Variants in ZBTB20 observed in about 807,000 individuals in gnomAD.
ZBTB20 encodes the protein zinc finger and BTB domain containing 20, also known as zinc finger and BTB domain-containing protein 20.
A neutral mutation model predicts 56.9 loss-of-function variants in ZBTB20; 9 were observed. The observed-to-expected ratio is 0.16, with a 90% CI of 0.10 to 0.28. ZBTB20 has a LOEUF of 0.28. Ranked by LOEUF, ZBTB20 falls within the 10% of genes least tolerant of loss-of-function variation. ZBTB20 has a pLI of 1.00. For synonymous variants in ZBTB20, 417 were observed against 420.7 expected, an observed-to-expected ratio of 0.99 and a Z score of 0.11; for missense variants, 655 against 1,003.0, an observed-to-expected ratio of 0.65 and a Z score of 4.69.
intron 7 of ZBTB20, among the ~76,000 whole-genome samples, chr3:114,492,690 T>G (rs535981923): frequency 6.6e-6 from 1 of 152,360 alleles, no homozygotes; most frequent in Non-Finnish European, 1.5e-5. Flanking sequence ...TTGATATATA[T>G]TTTTAAATTT....
At chr3:114,507,801 T>C (rs898182016) in intron 6 of ZBTB20, among the ~76,000 whole-genome samples, 1 of 152,094 alleles carries the variant, frequency 6.6e-6, no homozygotes, top group Non-Finnish European at 1.5e-5. Flanking sequence ...AGAATCACAA[T>C]ACAGTTGAGT....
At chr3:114,923,379 G>A (rs940536857) in intron 3 of ZBTB20, among the ~76,000 whole-genome samples, 3 of 152,090 alleles carry the variant, frequency 2.0e-5, no homozygotes, top group Non-Finnish European at 4.4e-5. Flanking sequence ...CAGACACTTA[G>A]GTCAATGGAA....
In ZBTB20 at chr3:114,678,381, GGA is replaced by G. The variant is rs1424440319; in HGVS notation, c.-295+15145_-295+15146del. 4.6e-5 allele frequency among the ~76,000 whole-genome samples: 7 copies of G among 152,254 alleles called. No individual in the cohort carries two copies. The East Asian group carries it at 1.3e-3, about 29-fold the overall frequency. On this transcript the variant is annotated intron_variant, in intron 6 of 11. Transcript: ENST00000675478. The stretch of plus-strand genomic sequence containing the variant: ...CTTAAAATTGATCCTACTGTATTAA[GGA>G]GAGAGAAAATTTAAGGGCAATGGAG...
At chr3:114,823,691 C>T (rs2073371708) in intron 4 of ZBTB20, among the ~76,000 whole-genome samples, 1 of 151,976 alleles carries the variant, frequency 6.6e-6, no homozygotes, top group Non-Finnish European at 1.5e-5. Flanking sequence ...AGTTGTTGTA[C>T]TATATTTTAT....
intron 4 of ZBTB20, among the ~76,000 whole-genome samples, chr3:114,866,457 T>C (rs2075767636): frequency 6.6e-6 from 1 of 152,180 alleles, no homozygotes; most frequent in African/African-American, 2.4e-5. Flanking sequence ...TTAAATTAGG[T>C]AATGGAGGTG....
At chr3:114,600,267 T>C (rs2107622967) in intron 6 of ZBTB20, among the ~76,000 whole-genome samples, 1 of 152,110 alleles carries the variant, frequency 6.6e-6, no homozygotes, top group South Asian at 2.1e-4. Flanking sequence ...GATGAAGACC[T>C]GATGTAAGGC....
At chr3:114,830,715 G>A (rs542924638) in intron 4 of ZBTB20, among the ~76,000 whole-genome samples, 1 of 152,088 alleles carries the variant, frequency 6.6e-6, no homozygotes, top group East Asian at 1.9e-4. Context: ...CAGCAAATAA[G>A]TGATCGTGCC....
intron 1 of ZBTB20, among the ~76,000 whole-genome samples, chr3:115,099,028 A>G (rs2083481835): frequency 6.6e-6 from 1 of 152,202 alleles, no homozygotes; most frequent in Non-Finnish European, 1.5e-5. Flanking sequence ...AATCTGAAAT[A>G]AAATTCCATT....
At chr3:114,377,227 T>C (rs2083748213) in intron 10 of ZBTB20, among the ~76,000 whole-genome samples, 1 of 152,140 alleles carries the variant, frequency 6.6e-6, no homozygotes, top group African/African-American at 2.4e-5. Flanking sequence ...TACCATTAGA[T>C]TTTTAGCAAT....
chr3:114,996,695 T>C (rs1406638002), intron 2 of ZBTB20, among the ~76,000 whole-genome samples: 3 of 151,944 alleles, frequency 2.0e-5, no homozygotes, highest in Admixed American at 1.3e-4. Context: ...CATACACATA[T>C]GTCTTTATAG....
chr3:115,025,458 A>G (rs1388010565), intron 2 of ZBTB20, among the ~76,000 whole-genome samples: 2 of 151,242 alleles, frequency 1.3e-5, no homozygotes, highest in African/African-American at 4.8e-5. Flanking sequence ...CTTTAGGTAT[A>G]TTCTTTGATA....
chr3:115,000,400 G>A (rs1003318774), intron 2 of ZBTB20, among the ~76,000 whole-genome samples: 1 of 151,236 alleles, frequency 6.6e-6, no homozygotes, highest in Non-Finnish European at 1.5e-5. Flanking sequence ...GTCTTTAAGG[G>A]GAATATTATA....
At chr3:114,719,063 C>G (rs906408064) in intron 5 of ZBTB20, among the ~76,000 whole-genome samples, 4 of 150,980 alleles carry the variant, frequency 2.6e-5, no homozygotes, top group African/African-American at 9.7e-5. Context: ...ACTCAAAACT[C>G]CACACAAGCA....
intron 6 of ZBTB20, among the ~76,000 whole-genome samples, chr3:114,613,560 T>C (rs567577122): frequency 5.9e-5 from 9 of 152,230 alleles, no homozygotes; most frequent in African/African-American, 1.9e-4. Flanking sequence ...GAGTAGGTAA[T>C]AGGAGTGAGG....
intron 3 of ZBTB20, among the ~76,000 whole-genome samples, chr3:114,934,111 C>G (rs2076450445): frequency 6.6e-6 from 1 of 152,160 alleles, no homozygotes; most frequent in Non-Finnish European, 1.5e-5. Context: ...TTCTGTCTCT[C>G]TTAGGTCCCT....
At chr3:115,102,355 T>C (rs1431806903) in intron 1 of ZBTB20, among the ~76,000 whole-genome samples, 4 of 152,192 alleles carry the variant, frequency 2.6e-5, no homozygotes, top group Non-Finnish European at 2.9e-5. Context: ...CCTCACTATT[T>C]GGCCTGGCAG....
At chr3:115,003,598 G>C (rs1365687509) in intron 2 of ZBTB20, among the ~76,000 whole-genome samples, 2 of 151,688 alleles carry the variant, frequency 1.3e-5, no homozygotes, top group East Asian at 3.9e-4. Context: ...GGGAGGCTGA[G>C]GTGGGAAAAT....
At chr3:114,688,910 G>C (rs1290182465) in intron 6 of ZBTB20, among the ~76,000 whole-genome samples, 1 of 152,164 alleles carries the variant, frequency 6.6e-6, no homozygotes, top group Non-Finnish European at 1.5e-5. Context: ...TACATAACCA[G>C]TTCTCTATGG....
chr3:114,767,802 C>T (rs1017028933), intron 5 of ZBTB20, among the ~76,000 whole-genome samples: 2 of 152,022 alleles, frequency 1.3e-5, no homozygotes, highest in African/African-American at 4.8e-5. Context: ...AGGAAAATTT[C>T]TTTCTCCAGC....
Sources: gnomAD v4.1 joint callset for allele counts (sites outside exome capture counted in the v4.1 genomes callset) on GRCh38, gnomAD v4.1.1 for gene constraint, MANE v1.5 for transcripts, NCBI Gene and HGNC (gene_info 2026-07-23, HGNC 2026-07-21) for gene names.